The following KLRG1 variants were observed in gnomAD, a reference collection of about 807,000 sequenced individuals.
KLRG1 encodes the protein killer cell lectin-like receptor subfamily G member 1.
A neutral mutation model predicts 21.8 loss-of-function variants in KLRG1; 16 were observed. The ratio of observed to expected loss-of-function variants is 0.73; its 90% confidence interval spans 0.50 to 1.11. The LOEUF is 1.11. Ranked by LOEUF, KLRG1 falls within the 50% of genes most tolerant of loss-of-function variation. KLRG1 has a pLI of 0.00. For synonymous variants in KLRG1, 69 were observed against 75.9 expected (o/e 0.91, Z 0.47); for missense variants, 173 against 218.3 (o/e 0.79, Z 1.31).
the KLRG1 span, chr12:9,169,669 TA>T: frequency 7.6e-7 from 1 of 1,318,854 alleles, no homozygotes; most frequent in Non-Finnish European, 1.0e-6. Context: ...AGAAATAAAA[TA>T]ATTATCACCA....
At chr12:9,119,547 G>C in the KLRG1 span, among the ~76,000 whole-genome samples, 1 of 152,160 alleles carries the variant, frequency 6.6e-6, no homozygotes, top group African/African-American at 2.4e-5. Flanking sequence ...TTGTCTGAAG[G>C]GGAGAAAAAC....
At chr12:8,997,607 A>G (rs1044844510) in intron 3 of KLRG1, among the ~76,000 whole-genome samples, 1 of 152,148 alleles carries the variant, frequency 6.6e-6, no homozygotes, top group Admixed American at 6.6e-5. Flanking sequence ...TGCTATATGT[A>G]GAATCTACAG....
the KLRG1 span, among the ~76,000 whole-genome samples, chr12:9,070,266 A>G: frequency 2.0e-5 from 3 of 152,198 alleles, no homozygotes; most frequent in Admixed American, 6.5e-5. Flanking sequence ...AAAAGCAGGA[A>G]CCTGCTGACA....
the KLRG1 span, among the ~76,000 whole-genome samples, chr12:9,151,308 G>A: frequency 2.1e-4 from 32 of 152,066 alleles, no homozygotes; most frequent in African/African-American, 5.3e-4. Context: ...TATTCATATC[G>A]TCAGGGAGTG....
At chr12:9,044,669 A>T in the KLRG1 span, among the ~76,000 whole-genome samples, 1 of 149,008 alleles carries the variant, frequency 6.7e-6, no homozygotes, top group South Asian at 2.1e-4. Flanking sequence ...TCCATTTCAA[A>T]AAACAAAAAA....
At chr12:9,160,928 A>C in the KLRG1 span, 1 of 972,692 alleles carries the variant, frequency 1.0e-6, no homozygotes, top group Non-Finnish European at 1.6e-6. Context: ...AAAATAAAAA[A>C]GAATAGCAGC....
At chr12:9,197,595 TA>T in the KLRG1 span, among the ~76,000 whole-genome samples, 9,574 of 76,094 alleles carry the variant, frequency 0.13, 1,274 homozygotes, top group Admixed American at 0.16. Context: ...ATATAATATA[TA>T]AATATAATAT....
chr12:9,158,297 G>C, the KLRG1 span: 10 of 1,373,778 alleles, frequency 7.3e-6, no homozygotes, highest in Non-Finnish European at 1.0e-5. Flanking sequence ...CTCTTTCCCT[G>C]ATGCCATCCC....
At chr12:9,114,747 G>A in the KLRG1 span, among the ~76,000 whole-genome samples, 1 of 151,640 alleles carries the variant, frequency 6.6e-6, no homozygotes, top group Non-Finnish European at 1.5e-5. Context: ...ACATATATAT[G>A]TAACATATGT....
the KLRG1 span, among the ~76,000 whole-genome samples, chr12:9,053,375 G>C: frequency 6.6e-5 from 10 of 152,258 alleles, no homozygotes; most frequent in Non-Finnish European, 1.3e-4. Flanking sequence ...GGATCCATCA[G>C]ATGTCTACCC....
At chr12:9,180,076 G>A in the KLRG1 span, among the ~76,000 whole-genome samples, 2 of 152,124 alleles carry the variant, frequency 1.3e-5, no homozygotes, top group African/African-American at 4.8e-5. Flanking sequence ...TCAAGTACTC[G>A]GCAAGTGGTA....
At chr12:8,951,700 C>T (rs1946208877) in intron 1 of KLRG1, among the ~76,000 whole-genome samples, 1 of 152,076 alleles carries the variant, frequency 6.6e-6, no homozygotes, top group Non-Finnish European at 1.5e-5. Context: ...GGGGATACAG[C>T]AGAGAAAAAA....
At chr12:9,005,225 G>T (rs939379391) in intron 3 of KLRG1, among the ~76,000 whole-genome samples, 4 of 151,942 alleles carry the variant, frequency 2.6e-5, no homozygotes, top group African/African-American at 7.3e-5. Context: ...CAAGGGGAGG[G>T]ATAGCACTAA....
At chr12:9,171,357 C>A in the KLRG1 span, among the ~76,000 whole-genome samples, 4 of 152,138 alleles carry the variant, frequency 2.6e-5, no homozygotes, top group Non-Finnish European at 2.9e-5. Context: ...ATTCAAAGGG[C>A]AGCAGCCTCA....
At chr12:9,001,982 ATTTTATT>A (rs1431594873) in intron 3 of KLRG1, among the ~76,000 whole-genome samples, 1 of 152,082 alleles carries the variant, frequency 6.6e-6, no homozygotes, top group Non-Finnish European at 1.5e-5. Flanking sequence ...ACCAGATTTT[ATTTTATT>A]TTTTATTTAG....
chr12:9,163,082 G>C, the KLRG1 span, among the ~76,000 whole-genome samples: 5 of 152,106 alleles, frequency 3.3e-5, no homozygotes, highest in East Asian at 1.9e-4. Context: ...GAACCAGGGA[G>C]GGTGGTAGAG....
chr12:9,140,850 A>G, the KLRG1 span, among the ~76,000 whole-genome samples: 2 of 152,188 alleles, frequency 1.3e-5, no homozygotes, highest in African/African-American at 2.4e-5. Context: ...TATTGGCTCC[A>G]TAAGTCAAGT....
the KLRG1 span, among the ~76,000 whole-genome samples, chr12:9,112,863 GT>G: frequency 2.6e-5 from 4 of 152,202 alleles, no homozygotes; most frequent in African/African-American, 9.7e-5. Context: ...GTCGAAGCAT[GT>G]TTTACAGGCT....
At chr12:9,152,568 T>C in the KLRG1 span, among the ~76,000 whole-genome samples, 1 of 152,252 alleles carries the variant, frequency 6.6e-6, no homozygotes, top group African/African-American at 2.4e-5. Context: ...TGAATCTTGC[T>C]AATTGGCATT....
Sources: allele counts gnomAD v4.1 joint callset (sites outside exome capture counted in the v4.1 genomes callset), GRCh38; gene constraint gnomAD v4.1.1; transcripts MANE v1.5; gene names NCBI Gene and HGNC (gene_info 2026-07-23, HGNC 2026-07-21).